Variants in CLMN observed in about 807,000 individuals in gnomAD.
CLMN encodes the protein calmin, also known as calmin (calponin-like, transmembrane).
Under a neutral mutation model 92.7 loss-of-function variants are expected in CLMN, and 57 were observed. The observed-to-expected ratio is 0.61, with a 90% CI of 0.50 to 0.77. The LOEUF (loss-of-function observed/expected upper bound fraction) is 0.77, where lower values mean the gene tolerates loss of function less well. CLMN is among the 30% of genes least tolerant of loss of function. The probability of loss-of-function intolerance (pLI) is 0.00; values close to 1 mark genes in which losing one functional copy is unlikely to be tolerated. For synonymous variants in CLMN, 466 were observed against 470.6 expected, an observed-to-expected ratio of 0.99 and a Z score of 0.13; for missense variants, 1,158 against 1,237.5, an observed-to-expected ratio of 0.94 and a Z score of 0.96.
chr14:95,210,717 G>C lies in CLMN; in HGVS notation c.771C>G (p.Ala257=), dbSNP rs778953383. ...GCTCCAGGAGCCTGGGGATGTGCAG[G>C]GCATCCTGTGCGATGCTGAAAGCCT... The part of the protein sequence containing the change: ...LEKAFSIAQD[A]LHIPRLLEPE... Residue 257 remains alanine (A), a synonymous_variant, in exon 7 of 13, where the codon GCC becomes GCG. Coordinates refer to ENST00000298912, the MANE Select transcript of CLMN (RefSeq NM_024734.4). 6.2e-7 allele frequency: 1 copy of C among 1,608,496 alleles called. No homozygotes were observed.
chr14:95,318,142 G>A (rs1335838637), intron 1 of CLMN, among the ~76,000 whole-genome samples: 2 of 152,132 alleles, frequency 1.3e-5, no homozygotes, highest in Non-Finnish European at 2.9e-5. Flanking sequence ...CTTGTTGCAC[G>A]AAGCATTGGT....
At chr14:95,284,573 C>A (rs1475774178) in intron 1 of CLMN, among the ~76,000 whole-genome samples, 2 of 152,202 alleles carry the variant, frequency 1.3e-5, no homozygotes, top group Non-Finnish European at 2.9e-5. Context: ...CCATGGGAAC[C>A]CACCTCTTGC....
intron 1 of CLMN, among the ~76,000 whole-genome samples, chr14:95,261,271 C>T (rs550410866): frequency 6.6e-6 from 1 of 151,796 alleles, no homozygotes; most frequent in Non-Finnish European, 1.5e-5. Context: ...AGCAGAAGGC[C>T]GAGGCCCATT....
chr14:95,312,173 T>C (rs1901570861), intron 1 of CLMN, among the ~76,000 whole-genome samples: 1 of 152,056 alleles, frequency 6.6e-6, no homozygotes, highest in South Asian at 2.1e-4. Flanking sequence ...GGACCCACGG[T>C]GAGCACCCAC....
chr14:95,216,279 C>A (rs1187244333), intron 4 of CLMN, among the ~76,000 whole-genome samples: 1 of 152,204 alleles, frequency 6.6e-6, no homozygotes, highest in Non-Finnish European at 1.5e-5. Flanking sequence ...ACATGAAAGA[C>A]CTGCTCCCCC....
chr14:95,267,478 G>C (rs1037931883), intron 1 of CLMN, among the ~76,000 whole-genome samples: 1 of 152,152 alleles, frequency 6.6e-6, no homozygotes, highest in Non-Finnish European at 1.5e-5. Flanking sequence ...TGAAACCACA[G>C]TGAGATATCA....
At chr14:95,249,599 C>CTT (rs757448498) in intron 1 of CLMN, among the ~76,000 whole-genome samples, 11 of 148,686 alleles carry the variant, frequency 7.4e-5, no homozygotes, top group African/African-American at 2.7e-4. Flanking sequence ...TTTTCTTTTT[C>CTT]TTTTTTTTTT....
intron 9 of CLMN, among the ~76,000 whole-genome samples, chr14:95,198,770 A>G (rs539127102): frequency 1.3e-5 from 2 of 152,304 alleles, no homozygotes; most frequent in South Asian, 4.1e-4. Context: ...TGCTGGACAC[A>G]TGCACTCTCT....
chr14:95,245,217 T>C lies in CLMN; in HGVS notation c.83-15084A>G, dbSNP rs1265701751. The stretch of plus-strand genomic sequence containing the variant: ...ATAATATATATATATATTATATATA[T>C]ATATATATTATATATATATATTATA... On this transcript the variant is annotated intron_variant, in intron 1 of 12. Transcript: ENST00000298912. 6.9e-3 allele frequency among the ~76,000 whole-genome samples: 225 copies of C among 32,586 alleles called. 24 individuals are homozygous for C. Among genetic ancestry groups the C allele is most frequent in the African/African-American group, 0.011 (54 of 5,138 alleles). 21.4% of individuals were successfully genotyped at this position (32,586 alleles called of 152,430 possible).
At chr14:95,226,492 T>C (rs2140627318) in intron 2 of CLMN, among the ~76,000 whole-genome samples, 1 of 152,286 alleles carries the variant, frequency 6.6e-6, no homozygotes. Context: ...AAGAAAGGTT[T>C]CTACTGTCTA....
rs923197805 is a variant in CLMN, at chr14:95,215,656, T to C, written c.402A>G (p.Ile134Met). The change falls in exon 5 of 13, where the codon ATA (isoleucine) becomes ATG (methionine). Residue 134 changes from isoleucine (I) to methionine (M), a missense_variant. Coordinates refer to ENST00000298912, the MANE Select transcript of CLMN (RefSeq NM_024734.4). ...ATGATCTTACCTGGAAGAAGAGGAT[T>C]ATGTTCCATATCAGCCCAAGAACCA... The part of the protein sequence containing the change: ...PSLVLGLIWN[I>M]ILFFQIKELT... 27 of 1,613,754 alleles carry C rather than the reference T, an allele frequency of 1.7e-5. No individual in the cohort carries two copies. Among genetic ancestry groups the C allele is most frequent in the Non-Finnish European group, 2.3e-5 (27 of 1,179,716 alleles).
intron 1 of CLMN, among the ~76,000 whole-genome samples, chr14:95,292,853 G>A (rs1900630956): frequency 6.6e-6 from 1 of 152,116 alleles, no homozygotes; most frequent in Non-Finnish European, 1.5e-5. Context: ...ACGGGTGCCC[G>A]GTGTGGGTCT....
At chr14:95,319,657 G>T in intron 1 of CLMN, 54 bp downstream of exon 1, 2 of 1,453,490 alleles carry the variant, frequency 1.4e-6, no homozygotes, top group Non-Finnish European at 1.9e-6. Flanking sequence ...TCGGAGCGGC[G>T]CCCCGGGCCC....
intron 1 of CLMN, among the ~76,000 whole-genome samples, chr14:95,318,598 G>A (rs1901898486): frequency 6.6e-6 from 1 of 152,122 alleles, no homozygotes; most frequent in Non-Finnish European, 1.5e-5. Flanking sequence ...TGCCCTGGCT[G>A]GGGGAGGGCA....
chr14:95,193,403 C>T, intron 12 of CLMN: 1 of 1,534,306 alleles, frequency 6.5e-7, no homozygotes, highest in South Asian at 1.2e-5. Context: ...CAGTAAGCTT[C>T]TGAGTACTGT....
In CLMN at chr14:95,203,876, A is replaced by G. The variant is rs1280118329; in HGVS notation, c.1473T>C (p.Gly491=). 3 of 1,614,152 alleles carry G rather than the reference A, an allele frequency of 1.9e-6. No individual in the cohort carries two copies. Residue 491 remains glycine, a synonymous_variant, in exon 9 of 13, where the codon GGT becomes GGC. Transcript: ENST00000298912. ...TTGTGCCCTCCACCAAAAAAATGTC[A>G]CCAGCGACCTTGTCAGAGGAGGATT... ...IPESSSDKVA[G]DIFLVEGTNN...
chr14:95,254,899 T>C (rs577669967), intron 1 of CLMN, among the ~76,000 whole-genome samples: 215 of 152,286 alleles, frequency 1.4e-3, no homozygotes, highest in Non-Finnish European at 2.1e-3. Context: ...CTCGCTATGT[T>C]GACTAGGCTG....
chr14:95,281,726 A>G (rs115317136), intron 1 of CLMN, among the ~76,000 whole-genome samples: 4,028 of 152,268 alleles, frequency 0.026, 191 homozygotes, highest in African/African-American at 0.093. Flanking sequence ...GGGTAATATT[A>G]CTTATTTTGC....
intron 1 of CLMN, among the ~76,000 whole-genome samples, chr14:95,231,977 T>A (rs930149922): frequency 7.9e-5 from 12 of 152,360 alleles, no homozygotes; most frequent in Admixed American, 7.2e-4. Context: ...CAGGGAGATG[T>A]TGTAACTTGT....
Sources: allele counts gnomAD v4.1 joint callset (sites outside exome capture counted in the v4.1 genomes callset), GRCh38; gene constraint gnomAD v4.1.1; transcripts MANE v1.5; gene names NCBI Gene and HGNC (gene_info 2026-07-23, HGNC 2026-07-21).